The following STK3 variants were observed in gnomAD, a reference collection of about 807,000 sequenced individuals.
The protein encoded by STK3 is serine/threonine kinase 3.
In STK3, 41 loss-of-function variants were observed where a neutral mutation model predicts 58.0. That is an observed-to-expected ratio of 0.71 (90% CI 0.55 to 0.92). The LOEUF is 0.92. Ranked by LOEUF, STK3 falls within the 40% of genes least tolerant of loss-of-function variation. STK3 has a pLI of 0.00. For synonymous variants in STK3, 170 were observed against 191.0 expected (o/e 0.89, Z 0.91); for missense variants, 479 against 602.7 (o/e 0.79, Z 2.15).
rs1810487651 is a variant in STK3 at position 98,543,919 on chromosome 8, A to G, written c.1141+4050T>C. Among the ~76,000 whole-genome samples the G allele has an allele frequency of 3.3e-5, 5 of 152,336 alleles. No homozygotes were observed. In the South Asian group the frequency reaches 1.0e-3, roughly 32 times the overall value. ...ATGAACACTGAGACTGGACCATATC[A>G]AAGTTTTCCAGGAGAGGCAGAAAAG... On this transcript the variant is annotated intron_variant, in intron 9 of 10. Coordinates refer to ENST00000419617, the MANE Select transcript of STK3 (RefSeq NM_006281.4).
At chr8:98,495,507 C>T (rs554529426) in intron 10 of STK3, among the ~76,000 whole-genome samples, 2 of 152,212 alleles carry the variant, frequency 1.3e-5, no homozygotes, top group African/African-American at 4.8e-5. Context: ...TGGATAATGA[C>T]CTTGTATTTT....
intron 4 of STK3, among the ~76,000 whole-genome samples, chr8:98,731,451 G>A (rs1035025807): frequency 2.0e-5 from 3 of 152,166 alleles, no homozygotes; most frequent in African/African-American, 7.2e-5. Context: ...CGGGCGCAGT[G>A]GCTCACGCCT....
intron 8 of STK3, among the ~76,000 whole-genome samples, chr8:98,552,984 A>G (rs1011693082): frequency 1.3e-5 from 2 of 152,166 alleles, no homozygotes; most frequent in African/African-American, 2.4e-5. Context: ...CATGTGAACA[A>G]TAAGTTACAG....
At chr8:98,375,271 C>A (rs200910927) in intron 2 of STK3, among the ~76,000 whole-genome samples, 4,600 of 138,124 alleles carry the variant, frequency 0.033, 324 homozygotes, top group East Asian at 0.17. Flanking sequence ...AAAAAAAAAA[C>A]AAAAAAAAAC....
At chr8:98,871,832 A>C (rs1464425035) in intron 3 of STK3, among the ~76,000 whole-genome samples, 1 of 152,042 alleles carries the variant, frequency 6.6e-6, no homozygotes, top group East Asian at 1.9e-4. Flanking sequence ...AATACCCTTT[A>C]TTTCTTTCTC....
At chr8:98,763,073 T>TA (rs1269188409) in intron 3 of STK3, among the ~76,000 whole-genome samples, 2 of 152,106 alleles carry the variant, frequency 1.3e-5, no homozygotes, top group Non-Finnish European at 2.9e-5. Flanking sequence ...GTCCCATATA[T>TA]AAAAAAGATA....
chr8:98,688,771 G>A (rs767875839), intron 6 of STK3, among the ~76,000 whole-genome samples: 2 of 152,052 alleles, frequency 1.3e-5, no homozygotes, highest in African/African-American at 2.4e-5. Flanking sequence ...TACGGCAAAA[G>A]CAGTGTTAAG....
intron 6 of STK3, among the ~76,000 whole-genome samples, chr8:98,677,115 A>G (rs1823273987): frequency 6.6e-6 from 1 of 152,126 alleles, no homozygotes; most frequent in African/African-American, 2.4e-5. Context: ...GTATGCTTAA[A>G]TCTACTTTCC....
intron 6 of STK3, among the ~76,000 whole-genome samples, chr8:98,699,779 G>A (rs1825377508): frequency 6.6e-6 from 1 of 152,180 alleles, no homozygotes; most frequent in Admixed American, 6.5e-5. Context: ...CCTACTTGGG[G>A]GTGCCTCCCA....
chr8:98,541,880 G>A (rs747177945), intron 9 of STK3, among the ~76,000 whole-genome samples: 20 of 152,122 alleles, frequency 1.3e-4, no homozygotes, highest in Non-Finnish European at 2.4e-4. Flanking sequence ...GACTTATAAC[G>A]ATCCTGATCT....
intron 1 of STK3, among the ~76,000 whole-genome samples, chr8:98,448,247 G>A (rs1184229502): frequency 6.6e-6 from 1 of 152,024 alleles, no homozygotes; most frequent in Non-Finnish European, 1.5e-5. Context: ...GTCGTCAGCT[G>A]GTGTGCTTTT....
intron 1 of STK3, among the ~76,000 whole-genome samples, chr8:98,898,511 G>T (rs777487620): frequency 2.6e-5 from 4 of 152,182 alleles, no homozygotes; most frequent in Non-Finnish European, 5.9e-5. Flanking sequence ...GGCTGTAGGT[G>T]TGGCATAACC....
chr8:98,501,118 G>A (rs1384782291), intron 10 of STK3, among the ~76,000 whole-genome samples: 4 of 151,998 alleles, frequency 2.6e-5, no homozygotes, highest in African/African-American at 9.7e-5. Context: ...GGCATGAGAT[G>A]GTATCTCATT....
At chr8:98,699,317 G>C (rs1323746237) in intron 6 of STK3, among the ~76,000 whole-genome samples, 1 of 152,030 alleles carries the variant, frequency 6.6e-6, no homozygotes, top group Non-Finnish European at 1.5e-5. Flanking sequence ...ATTTCCTCCT[G>C]TAGCTTGGAG....
intron 1 of STK3, among the ~76,000 whole-genome samples, chr8:98,791,882 A>T (rs570406801): frequency 1.5e-3 from 225 of 152,324 alleles, no homozygotes; most frequent in Non-Finnish European, 8.8e-4. Context: ...ACATTGGAAA[A>T]ACTCTTCTAG....
intron 4 of STK3, among the ~76,000 whole-genome samples, chr8:98,740,946 T>C (rs1829150746): frequency 6.6e-6 from 1 of 152,110 alleles, no homozygotes. Context: ...GTTGCAATCC[T>C]AGTCTCTGAT....
At chr8:98,613,488 G>A (rs1282181066) in intron 6 of STK3, among the ~76,000 whole-genome samples, 1 of 151,886 alleles carries the variant, frequency 6.6e-6, no homozygotes, top group East Asian at 1.9e-4. Context: ...TGTAAAAATA[G>A]AAAGCCTCAG....
At chr8:98,425,858 G>A (rs1818226588) in intron 3 of STK3, among the ~76,000 whole-genome samples, 1 of 152,180 alleles carries the variant, frequency 6.6e-6, no homozygotes, top group Admixed American at 6.5e-5. Flanking sequence ...ACCCTGCAAG[G>A]GCATTCCCAG....
intron 4 of STK3, among the ~76,000 whole-genome samples, chr8:98,732,127 C>A (rs937953264): frequency 6.6e-6 from 1 of 151,984 alleles, no homozygotes; most frequent in Non-Finnish European, 1.5e-5. Context: ...AAATAAAGCA[C>A]CCCGCCTCCT....
Sources: allele counts gnomAD v4.1 joint callset (sites outside exome capture counted in the v4.1 genomes callset), GRCh38; gene constraint gnomAD v4.1.1; transcripts MANE v1.5; gene names NCBI Gene and HGNC (gene_info 2026-07-23, HGNC 2026-07-21).